Variants in FAM78B observed in about 807,000 individuals in gnomAD.
The protein encoded by FAM78B is protein FAM78B.
Under a neutral mutation model 20.0 loss-of-function variants are expected in FAM78B, and 10 were observed. That is an observed-to-expected ratio of 0.50 (90% CI 0.31 to 0.85). The LOEUF is 0.85. FAM78B is among the 40% of genes least tolerant of loss of function. The pLI, the probability that FAM78B is intolerant of heterozygous loss-of-function variation, is 0.05. For synonymous variants in FAM78B, 135 were observed against 132.8 expected, an observed-to-expected ratio of 1.02 and a Z score of -0.12; for missense variants, 283 against 345.0, an observed-to-expected ratio of 0.82 and a Z score of 1.42.
intron 1 of FAM78B, among the ~76,000 whole-genome samples, chr1:166,077,224 T>C (rs1652309712): frequency 1.3e-5 from 2 of 152,256 alleles, no homozygotes; most frequent in South Asian, 4.1e-4. Flanking sequence ...AGTAGAGAGC[T>C]GGTCCAGCAT....
chr1:166,069,269 T>G, downstream of FAM78B, among the ~76,000 whole-genome samples: 1 of 150,806 alleles, frequency 6.6e-6, no homozygotes, highest in East Asian at 1.9e-4. Context: ...CCATTCCATA[T>G]GTTCAGATCA....
intron 1 of FAM78B, among the ~76,000 whole-genome samples, chr1:166,110,670 CCA>C (rs1490519590): frequency 2.3e-4 from 35 of 152,254 alleles, no homozygotes; most frequent in African/African-American, 7.9e-4. Flanking sequence ...TTGAATGGAG[CCA>C]CACAGGGAGA....
chr1:166,099,158 T>C (rs559100766), intron 1 of FAM78B, among the ~76,000 whole-genome samples: 1 of 152,064 alleles, frequency 6.6e-6, no homozygotes, highest in South Asian at 2.1e-4. Flanking sequence ...GCACCACATA[T>C]GAAGGAAAGA....
exon 3 of FAM78B, chr1:166,060,500 G>A: frequency 1.2e-6 from 1 of 844,790 alleles, no homozygotes; most frequent in Non-Finnish European, 1.7e-6. Context: ...CTGGTCACGG[G>A]ACGGGAGGAA....
intron 1 of FAM78B, among the ~76,000 whole-genome samples, chr1:166,082,160 C>T (rs1491002700): frequency 6.6e-6 from 1 of 152,110 alleles, no homozygotes; most frequent in East Asian, 1.9e-4. Context: ...TCTACTGCAC[C>T]CAGATGTCCA....
intron 1 of FAM78B, among the ~76,000 whole-genome samples, chr1:166,146,000 G>A (rs527546987): frequency 2.0e-5 from 3 of 152,216 alleles, no homozygotes; most frequent in East Asian, 1.9e-4. Context: ...TTTCATTTGC[G>A]AAGGAGAGAT....
At chr1:166,146,873 C>T (rs1655477015) in intron 1 of FAM78B, among the ~76,000 whole-genome samples, 1 of 152,198 alleles carries the variant, frequency 6.6e-6, no homozygotes, top group African/African-American at 2.4e-5. Flanking sequence ...AGATCATTCA[C>T]TTCCCTCTGT....
rs1651985281 is a variant in FAM78B, at chr1:166,070,536, T to C, written c.491A>G (p.Lys164Arg). The C allele has an allele frequency of 1.2e-6, 2 of 1,613,964 alleles. No homozygotes were observed. The highest frequency in any genetic ancestry group is 1.3e-5 in the African/African-American group (1 of 74,942). ...DSNVPLLTRI[K>R]RDQSFTTWLV... ...CCAGGTCGTGAAACTTTGGTCTCTCTTGATTCTTGTGAGCAGTGGCACATT... is the reference window on the plus strand; with the variant it reads ...CCAGGTCGTGAAACTTTGGTCTCTCCTGATTCTTGTGAGCAGTGGCACATT... The change falls in exon 2 of 2, where the codon AAG becomes AGG. Residue 164 changes from lysine (K) to arginine (R), a missense_variant. Transcript: ENST00000354422.
At chr1:166,162,978 G>A (rs367679099) in intron 1 of FAM78B, among the ~76,000 whole-genome samples, 4 of 152,246 alleles carry the variant, frequency 2.6e-5, no homozygotes, top group African/African-American at 9.6e-5. Flanking sequence ...TGGCCCGCCA[G>A]CGCTCTCAGG....
At chr1:166,146,798 G>A (rs1468711506) in intron 1 of FAM78B, among the ~76,000 whole-genome samples, 1 of 152,208 alleles carries the variant, frequency 6.6e-6, no homozygotes, top group African/African-American at 2.4e-5. Flanking sequence ...ATGGCCTTCT[G>A]AGCATTGGCA....
intron 1 of FAM78B, among the ~76,000 whole-genome samples, chr1:166,136,682 G>A (rs574531870): frequency 2.0e-5 from 3 of 152,288 alleles, no homozygotes; most frequent in East Asian, 1.9e-4. Context: ...GGAAGGCAAC[G>A]TTATGAGATG....
intron 1 of FAM78B, among the ~76,000 whole-genome samples, chr1:166,102,514 T>C (rs1203362376): frequency 6.6e-6 from 1 of 152,014 alleles, no homozygotes; most frequent in Non-Finnish European, 1.5e-5. Flanking sequence ...TGGAGGAAGA[T>C]CTACCAAGCA....
At chr1:166,143,693 T>G (rs1655359268) in intron 1 of FAM78B, among the ~76,000 whole-genome samples, 1 of 151,728 alleles carries the variant, frequency 6.6e-6, no homozygotes, top group Non-Finnish European at 1.5e-5. Context: ...GTAATGAAGG[T>G]GAGAGGCAGT....
intron 1 of FAM78B, among the ~76,000 whole-genome samples, chr1:166,149,580 C>T (rs191712617): frequency 7.9e-5 from 12 of 152,318 alleles, no homozygotes; most frequent in Non-Finnish European, 8.8e-5. Context: ...GCATGCAGAG[C>T]CTTGGTTTTC....
chr1:166,136,383 T>C (rs985035955), intron 1 of FAM78B, among the ~76,000 whole-genome samples: 1 of 152,042 alleles, frequency 6.6e-6, no homozygotes, highest in Non-Finnish European at 1.5e-5. Flanking sequence ...GGTGTGAGGG[T>C]TGGGGAAGCT....
chr1:166,126,464 G>T (rs1654646100), intron 1 of FAM78B, among the ~76,000 whole-genome samples: 1 of 152,196 alleles, frequency 6.6e-6, no homozygotes, highest in South Asian at 2.1e-4. Context: ...AAAAGAGACT[G>T]GGAGTGCCAG....
Position 166,070,647 on chromosome 1 carries a change from G to T in FAM78B, c.380C>A (p.Pro127His), listed in dbSNP as rs1651990526. 1 of 1,613,714 alleles carries T rather than the reference G, an allele frequency of 6.2e-7. No individual in the cohort carries two copies. Residue 127 changes from proline to histidine, a missense_variant, in exon 2 of 2, where the codon CCC becomes CAC. Physicochemically the swap from Pro to His is moderately conservative, Grantham distance 77 (BLOSUM62 -2). Transcript: ENST00000354422. ...GGAGAACCTGGAGATCTTGTTGGTG[G>T]GGCCAACCAGGGTCACAGTTTCTGT... The part of the protein sequence containing the change: ...NTTETVTLVG[P>H]TNKISRFSVS...
At chr1:166,090,348 A>C (rs1474032379) in intron 1 of FAM78B, among the ~76,000 whole-genome samples, 4 of 152,206 alleles carry the variant, frequency 2.6e-5, no homozygotes, top group African/African-American at 9.6e-5. Context: ...TGACACATGA[A>C]CCTTCTCAGG....
chr1:166,152,440 T>C (rs1405522537), intron 1 of FAM78B, among the ~76,000 whole-genome samples: 2 of 152,162 alleles, frequency 1.3e-5, no homozygotes, highest in Non-Finnish European at 2.9e-5. Context: ...TTGTTCTCTT[T>C]TCCGTATTTT....
Sources: allele counts gnomAD v4.1 joint callset (sites outside exome capture counted in the v4.1 genomes callset), GRCh38; gene constraint gnomAD v4.1.1; transcripts MANE v1.5; gene names NCBI Gene and HGNC (gene_info 2026-07-23, HGNC 2026-07-21).